The following GARNL3 variants were observed in gnomAD, a reference collection of about 807,000 sequenced individuals.
GARNL3 encodes GTPase-activating Rap/Ran-GAP domain-like protein 3.
In GARNL3, 63 loss-of-function variants were observed where a neutral mutation model predicts 125.0. That is an observed-to-expected ratio of 0.50 (90% CI 0.41 to 0.62). The LOEUF (loss-of-function observed/expected upper bound fraction) is 0.62, where lower values mean the gene tolerates loss of function less well. GARNL3 is among the 20% of genes least tolerant of loss of function. The pLI is 0.00. For missense variants in GARNL3, 994 were observed against 1,244.0 expected, an observed-to-expected ratio of 0.80 and a Z score of 3.02; for synonymous variants, 439 against 457.5, an observed-to-expected ratio of 0.96 and a Z score of 0.52.
chr9:127,380,199 TATG>T (rs1832170630), intron 22 of GARNL3, among the ~76,000 whole-genome samples: 1 of 120,508 alleles, frequency 8.3e-6, no homozygotes, highest in African/African-American at 3.1e-5. Flanking sequence ...TCTCAAAAAA[TATG>T]TGTGTGTGTG....
Position 127,383,419 on chromosome 9 carries a change from G to C in GARNL3, c.2162-19G>C. 6.7e-7 allele frequency: 1 copy of C among 1,497,500 alleles called. No individual in the cohort carries two copies. The highest frequency in any genetic ancestry group is 9.2e-7 in the Non-Finnish European group (1 of 1,085,996). The allele number at this position is 1,497,500 out of a possible 1,614,324, so 92.8% of individuals were successfully genotyped here. On this transcript the variant is annotated intron_variant, in intron 22 of 27. Coordinates refer to ENST00000373387, the MANE Select transcript of GARNL3 (RefSeq NM_032293.5). Reference sequence around the variant, plus strand: ...GTGTTGTCTCTAACAAAAATGAGTTGCTGTTGTTTTCATTGCAGACAGTTG... The same window carrying C: ...GTGTTGTCTCTAACAAAAATGAGTTCCTGTTGTTTTCATTGCAGACAGTTG...
intron 1 of GARNL3, among the ~76,000 whole-genome samples, chr9:127,285,510 A>G (rs1225052800): frequency 2.6e-5 from 4 of 152,194 alleles, no homozygotes; most frequent in Admixed American, 2.6e-4. Flanking sequence ...TACAGTCCAT[A>G]TATGTCTATT....
chr9:127,380,198 ATATG>A (rs1267514218), intron 22 of GARNL3, among the ~76,000 whole-genome samples: 2 of 69,234 alleles, frequency 2.9e-5, no homozygotes, highest in African/African-American at 4.5e-5. Flanking sequence ...GTCTCAAAAA[ATATG>A]TGTGTGTGTG....
At chr9:127,258,063 T>C (rs761975156) in intron 2 of GARNL3, among the ~76,000 whole-genome samples, 9 of 152,110 alleles carry the variant, frequency 5.9e-5, no homozygotes, top group Admixed American at 2.0e-4. Flanking sequence ...GTCACGGTGG[T>C]CATGTGTGAT....
chr9:127,297,490 C>T (rs1220771197), intron 2 of GARNL3, among the ~76,000 whole-genome samples: 2 of 152,044 alleles, frequency 1.3e-5, no homozygotes, highest in Non-Finnish European at 2.9e-5. Flanking sequence ...CAATTTTAAT[C>T]CTACATTTTC....
Position 127,384,875 on chromosome 9 carries a change from G to T in GARNL3, c.2270-152G>T. ...GGGAACCCAGGCTACCTTAGGATCAGGGTGACTTGCACATGTGAAGGAAGG... is the reference window on the plus strand; with the variant it reads ...GGGAACCCAGGCTACCTTAGGATCATGGTGACTTGCACATGTGAAGGAAGG... On this transcript the variant is annotated intron_variant, in intron 23 of 27. Transcript: ENST00000373387. This position sits in a 1 kb window ranked among gnomAD's most constrained non-coding sequence, Gnocchi z 4.0. 1 of 526,714 alleles carries T rather than the reference G, an allele frequency of 1.9e-6. No homozygotes were observed. The highest frequency in any genetic ancestry group is 3.4e-6 in the Non-Finnish European group (1 of 290,404). The allele number at this position is 526,714 out of a possible 1,614,324, so 32.6% of individuals were successfully genotyped here.
intron 2 of GARNL3, among the ~76,000 whole-genome samples, chr9:127,302,965 C>T (rs1588805247): frequency 1.3e-5 from 2 of 152,230 alleles, no homozygotes; most frequent in Middle Eastern, 6.8e-3. Context: ...TCCTGGCTAA[C>T]ATGGTGAAAC....
intron 14 of GARNL3, among the ~76,000 whole-genome samples, 177 bp from the exon 15 acceptor site, chr9:127,344,058 A>G (rs1300925024): frequency 6.6e-6 from 1 of 152,120 alleles, no homozygotes; most frequent in Non-Finnish European, 1.5e-5. Flanking sequence ...GTGACTCTGA[A>G]TCTAGTATCT....
chr9:127,253,028 G>T (rs1175091073), intron 2 of GARNL3, among the ~76,000 whole-genome samples: 3 of 152,250 alleles, frequency 2.0e-5, no homozygotes, highest in South Asian at 4.1e-4. Flanking sequence ...TGAATTTTTT[G>T]AGATGAACCT....
intron 1 of GARNL3, among the ~76,000 whole-genome samples, chr9:127,227,351 A>G (rs1204337705): frequency 6.6e-6 from 1 of 152,192 alleles, no homozygotes; most frequent in Non-Finnish European, 1.5e-5. Context: ...CTGTAATCCC[A>G]GTACTTTGGG....
At chr9:127,238,830 T>A (rs1223000812) in intron 1 of GARNL3, among the ~76,000 whole-genome samples, 1 of 152,168 alleles carries the variant, frequency 6.6e-6, no homozygotes, top group Non-Finnish European at 1.5e-5. Flanking sequence ...CTGTGCTCGG[T>A]AGTCTTGCAT....
At chr9:127,225,213 G>A (rs1028450484) in intron 1 of GARNL3, 2 of 260,928 alleles carry the variant, frequency 7.7e-6, no homozygotes, top group Non-Finnish European at 1.2e-5. Flanking sequence ...CCAGCGAGGG[G>A]AGAGGGGCGG....
intron 2 of GARNL3, among the ~76,000 whole-genome samples, chr9:127,304,437 C>T (rs549470055): frequency 5.9e-5 from 9 of 151,880 alleles, no homozygotes; most frequent in African/African-American, 2.2e-4. Flanking sequence ...AAACTGAACA[C>T]ACATACGTCT....
intron 7 of GARNL3, among the ~76,000 whole-genome samples, chr9:127,330,692 G>A (rs1436576284): frequency 6.6e-6 from 1 of 151,386 alleles, no homozygotes; most frequent in African/African-American, 2.4e-5. Flanking sequence ...CAGGAAGGAG[G>A]GTGGCTTTAT....
intron 22 of GARNL3, among the ~76,000 whole-genome samples, chr9:127,378,457 C>T (rs1251367115): frequency 2.0e-5 from 3 of 151,624 alleles, no homozygotes; most frequent in South Asian, 2.1e-4. Flanking sequence ...CTTGGTGGCC[C>T]GTGCCTGTAA....
rs1319023433 is a variant in GARNL3, at chr9:127,320,783, C to T, written c.567+5C>T. The T allele has an allele frequency of 6.3e-7, 1 of 1,586,428 alleles. No individual in the cohort carries two copies. The highest frequency in any genetic ancestry group is 1.7e-5 in the Admixed American group (1 of 59,874). On this transcript the variant is annotated splice_donor_5th_base_variant and intron_variant, in intron 6 of 27. Transcript: ENST00000373387. ...TTTCATCCTGAAATACAAAAGGTAA[C>T]AGAAAATTTTATGCTTCATAATTGT...
rs574416409 is a variant in GARNL3 at position 127,241,526 on chromosome 9, G to A, written c.-28-1553G>A. Among the ~76,000 whole-genome samples, 6 of 151,900 alleles carry A rather than the reference G, an allele frequency of 3.9e-5. No homozygotes were observed. In the South Asian group the frequency reaches 1.3e-3, roughly 32 times the overall value. On this transcript the variant is annotated intron_variant, in intron 1 of 10. Coordinates refer to the GARNL3 transcript ENST00000439286. ...TAGTTGCTGCCAAGATAAGTGGCCT[G>A]AAGCCAGCCTAGGGTGAGATTACCT... is the stretch of plus-strand genomic sequence containing the variant.
chr9:127,322,414 A>C (rs2131520966), intron 6 of GARNL3, among the ~76,000 whole-genome samples: 1 of 152,306 alleles, frequency 6.6e-6, no homozygotes, highest in South Asian at 2.1e-4. Flanking sequence ...AAGAAAAAAA[A>C]AAAAGATATA....
chr9:127,380,059 G>C (rs1312594619), intron 22 of GARNL3, among the ~76,000 whole-genome samples: 1 of 152,076 alleles, frequency 6.6e-6, no homozygotes, highest in Non-Finnish European at 1.5e-5. Flanking sequence ...GCACGCCTTA[G>C]TCCCAGCTAC....
Sources: allele counts gnomAD v4.1 joint callset (sites outside exome capture counted in the v4.1 genomes callset), GRCh38; gene constraint gnomAD v4.1.1; non-coding constraint Gnocchi (gnomAD v3.1); transcripts MANE v1.5; gene names NCBI Gene and HGNC (gene_info 2026-07-23, HGNC 2026-07-21).